Variants in IQCB1 observed in about 807,000 individuals in gnomAD.
The protein encoded by IQCB1 is IQ motif containing B1, also known as IQ calmodulin-binding motif-containing protein 1.
IQCB1 carries 56 observed loss-of-function variants against 84.4 expected under a neutral mutation model. That is an observed-to-expected ratio of 0.66 (90% CI 0.54 to 0.83). The LOEUF is 0.83. Among genes scored for constraint, IQCB1 ranks in the 40% least tolerant of loss-of-function variants. IQCB1 has a pLI of 0.00. For synonymous variants in IQCB1, 210 were observed against 234.8 expected (o/e 0.89, Z 0.96); for missense variants, 629 against 682.1 (o/e 0.92, Z 0.87).
rs182341074 is a variant in IQCB1, at chr3:121,809,124, C to G, written c.394-115G>C. The stretch of plus-strand genomic sequence containing the variant: ...GATACAGTTTCTGGATCTAACTTAG[C>G]TATTTATGAGGGACATGATTTTGTT... On this transcript the variant is annotated intron_variant, in intron 5 of 14. Transcript: ENST00000310864. The G allele has an allele frequency of 1.1e-3, 728 of 657,488 alleles. 6 individuals carry two copies. The African/African-American group carries it at 0.012, about 11-fold the overall frequency. 40.7% of individuals were successfully genotyped at this position (657,488 alleles called of 1,614,324 possible).
chr3:121,775,315 TC>T lies in IQCB1; in HGVS notation c.1411-2603del, dbSNP rs1455250048. ...AGCCATAAAAAAGGATGAGTTTATG[TC>T]CTTTGCAGAGACATGGATGAAGCTG... is the stretch of plus-strand genomic sequence containing the variant. On this transcript the variant is annotated intron_variant, in intron 13 of 14. Transcript: ENST00000310864. 2.6e-5 allele frequency among the ~76,000 whole-genome samples: 4 copies of T among 152,334 alleles called. No individual in the cohort carries two copies. In the East Asian group the frequency reaches 7.7e-4, roughly 29 times the overall value.
At chr3:121,781,661 AC>A (rs1948498958) in intron 13 of IQCB1, 81 bp downstream of exon 13, 11 of 1,099,452 alleles carry the variant, frequency 1.0e-5, no homozygotes, top group South Asian at 4.0e-5. Context: ...ACACACACAC[AC>A]AATATATGTG....
chr3:121,809,843 A>T (rs1949758348), intron 5 of IQCB1, among the ~76,000 whole-genome samples: 1 of 151,980 alleles, frequency 6.6e-6, no homozygotes, highest in South Asian at 2.1e-4. Flanking sequence ...GACCCGCAAA[A>T]ATATTATGAT....
intron 12 of IQCB1, 61 bp downstream of exon 12, chr3:121,788,223 C>A: frequency 6.6e-7 from 1 of 1,505,110 alleles, no homozygotes; most frequent in Non-Finnish European, 9.2e-7. Context: ...TTAGCAAAGT[C>A]AGTTTTGAAC....
At chr3:121,821,853 CTGGG>C (rs1341070598) in intron 5 of IQCB1, among the ~76,000 whole-genome samples, 9 of 152,174 alleles carry the variant, frequency 5.9e-5, no homozygotes, top group African/African-American at 2.2e-4. Flanking sequence ...CAAAGATATT[CTGGG>C]TGTTTCTGTA....
Position 121,816,647 on chromosome 3 carries a change from C to G in IQCB1, c.394-7638G>C, listed in dbSNP as rs528939413. On this transcript the variant is annotated intron_variant, in intron 5 of 14. Transcript: ENST00000310864. ...CAAAAGAAGGCATCTATGGGGCCAA[C>G]AAACATATGAAAAAAAGCTCATCAT... Among the ~76,000 whole-genome samples the G allele has an allele frequency of 4.6e-4, 70 of 152,158 alleles. No homozygotes were observed. In the South Asian group the frequency reaches 9.6e-3, roughly 21 times the overall value.
intron 5 of IQCB1, among the ~76,000 whole-genome samples, chr3:121,822,204 C>CAAA (rs1950299239): frequency 1.3e-5 from 2 of 152,200 alleles, no homozygotes; most frequent in Non-Finnish European, 2.9e-5. Flanking sequence ...TTACCAACTG[C>CAAA]AAATCTCAGG....
At chr3:121,829,121 C>T (rs1185280596) in intron 2 of IQCB1, 149 bp from the exon 3 acceptor site, 5 of 635,404 alleles carry the variant, frequency 7.9e-6, no homozygotes, top group Middle Eastern at 4.3e-4. Flanking sequence ...TCATTTCTTC[C>T]TTATAGAAAA....
At position 121,813,550 on chromosome 3, in the gene IQCB1, T is replaced by C. The variant is rs1016966793; in HGVS notation, c.394-4541A>G. Among the ~76,000 whole-genome samples the C allele has an allele frequency of 6.6e-5, 10 of 152,084 alleles. No individual in the cohort carries two copies. The South Asian group carries it at 1.0e-3, about 16-fold the overall frequency. On this transcript the variant is annotated intron_variant, in intron 5 of 14. Coordinates refer to ENST00000310864, the MANE Select transcript of IQCB1 (RefSeq NM_001023570.4). ...CCCATCTCACATGCAAATACACACA[T>C]AGGCTCAAAATAAAGGGATGCAGGA... is the stretch of plus-strand genomic sequence containing the variant.
chr3:121,832,327 ATTT>A (rs66929099), intron 2 of IQCB1, among the ~76,000 whole-genome samples: 5 of 135,640 alleles, frequency 3.7e-5, no homozygotes, highest in Admixed American at 7.4e-5. Context: ...TAATTTTACA[ATTT>A]TTTTTTTTTT....
At chr3:121,815,270 A>G (rs968884429) in intron 5 of IQCB1, among the ~76,000 whole-genome samples, 5 of 152,234 alleles carry the variant, frequency 3.3e-5, no homozygotes, top group Admixed American at 1.3e-4. Context: ...TCAAAACAAT[A>G]ATAACTATTT....
intron 12 of IQCB1, among the ~76,000 whole-genome samples, chr3:121,784,079 A>G (rs1227845466): frequency 6.6e-6 from 1 of 151,658 alleles, no homozygotes; most frequent in East Asian, 1.9e-4. Context: ...CATGACATTC[A>G]CTTCTTGGAA....
chr3:121,831,041 G>T (rs1950619272), intron 2 of IQCB1, among the ~76,000 whole-genome samples: 1 of 152,154 alleles, frequency 6.6e-6, no homozygotes, highest in Admixed American at 6.6e-5. Flanking sequence ...AAGAGGATGG[G>T]GTACAAAGAG....
chr3:121,832,936 T>C (rs1274182045), intron 2 of IQCB1, among the ~76,000 whole-genome samples: 2 of 152,236 alleles, frequency 1.3e-5, no homozygotes, highest in African/African-American at 4.8e-5. Context: ...CGTCACATTT[T>C]CATGCACTAT....
chr3:121,781,680 G>T, intron 13 of IQCB1, 63 bp downstream of exon 13: 1 of 1,375,478 alleles, frequency 7.3e-7, no homozygotes, highest in South Asian at 1.2e-5. Flanking sequence ...GTGTGTGTGT[G>T]TACAGTTATC....
intron 2 of IQCB1, among the ~76,000 whole-genome samples, chr3:121,831,772 T>C (rs1437573267): frequency 6.6e-6 from 1 of 152,238 alleles, no homozygotes; most frequent in African/African-American, 2.4e-5. Flanking sequence ...TCCATTCATA[T>C]ATCTCTTATT....
intron 5 of IQCB1, among the ~76,000 whole-genome samples, chr3:121,814,117 T>G (rs1949951693): frequency 6.6e-6 from 1 of 152,138 alleles, no homozygotes; most frequent in South Asian, 2.1e-4. Context: ...ATTAAGAAAC[T>G]CACTCAAAAC....
chr3:121,779,383 C>CTA (rs1948380027), intron 13 of IQCB1, among the ~76,000 whole-genome samples: 1 of 152,058 alleles, frequency 6.6e-6, no homozygotes, highest in African/African-American at 2.4e-5. Context: ...ATGGCTTCAC[C>CTA]TATATTAATC....
At chr3:121,786,681 T>C (rs1948753138) in intron 12 of IQCB1, among the ~76,000 whole-genome samples, 1 of 152,198 alleles carries the variant, frequency 6.6e-6, no homozygotes. Context: ...CAAATGTGAC[T>C]AATCTTCCTT....
Sources: allele counts gnomAD v4.1 joint callset (sites outside exome capture counted in the v4.1 genomes callset), GRCh38; gene constraint gnomAD v4.1.1; transcripts MANE v1.5; gene names NCBI Gene and HGNC (gene_info 2026-07-23, HGNC 2026-07-21).